Variants in OSBPL8 observed in about 807,000 individuals in gnomAD.
OSBPL8 encodes the protein oxysterol binding protein like 8, also known as oxysterol-binding protein-related protein 8.
OSBPL8 carries 59 observed loss-of-function variants against 125.5 expected under a neutral mutation model. The observed-to-expected ratio is 0.47, with a 90% CI of 0.38 to 0.58. The LOEUF is 0.58. Among genes scored for constraint, OSBPL8 ranks in the 20% least tolerant of loss-of-function variants. OSBPL8 has a pLI of 0.00. For synonymous variants in OSBPL8, 330 were observed against 338.9 expected, an observed-to-expected ratio of 0.97 and a Z score of 0.29; for missense variants, 758 against 1,047.8, an observed-to-expected ratio of 0.72 and a Z score of 3.82.
rs1191398676 is a variant in OSBPL8, at chr12:76,471,931, G to A, written c.43-12036C>T. On this transcript the variant is annotated intron_variant, in intron 2 of 23. Coordinates refer to ENST00000261183, the MANE Select transcript of OSBPL8 (RefSeq NM_020841.5). The stretch of plus-strand genomic sequence containing the variant: ...CAACACTCAGGTTAAGCATTACCTT[G>A]TCTTAAAAAACTTTTTTGATACTGA... Among the ~76,000 whole-genome samples, 2 of 152,140 alleles carry A rather than the reference G, an allele frequency of 1.3e-5. 1 individual carries two copies. Among genetic ancestry groups the A allele is most frequent in the Non-Finnish European group, 2.9e-5 (2 of 68,030 alleles).
At position 76,352,605 on chromosome 12, in the gene OSBPL8, A is replaced by C. The variant is rs759804659; in HGVS notation, c.*3284T>G. 6.6e-6 allele frequency: 1 copy of C among 152,524 alleles called. No homozygotes were observed. Among genetic ancestry groups the C allele is most frequent in the Non-Finnish European group, 1.5e-5 (1 of 67,944 alleles). The allele number at this position is 152,524 out of a possible 1,614,324, so 9.4% of individuals were successfully genotyped here. A position where few individuals can be genotyped will look rare whatever the true frequency, so the allele number is the denominator to read the frequency against. On this transcript the variant is annotated 3_prime_UTR_variant, in exon 24 of 24. Coordinates refer to ENST00000261183, the MANE Select transcript of OSBPL8 (RefSeq NM_020841.5). ...TGGTTCAAATTGGAAAATTTGATAT[A>C]AATCTAATATTTTATTTCTGTACAT...
chr12:76,443,873 C>A (rs1872480301), intron 4 of OSBPL8, among the ~76,000 whole-genome samples: 1 of 152,062 alleles, frequency 6.6e-6, no homozygotes, highest in Admixed American at 6.6e-5. Flanking sequence ...AAAACAAATA[C>A]CATCCTCTTT....
rs1325836484 is a variant in OSBPL8 at position 76,549,098 on chromosome 12, AG to A, written c.-68+10298del. Among the ~76,000 whole-genome samples, 7 of 152,262 alleles carry A rather than the reference AG, an allele frequency of 4.6e-5. No homozygotes were observed. The South Asian group carries it at 1.2e-3, about 27-fold the overall frequency. Reference sequence around the variant, plus strand: ...CCAGGAAAATCAGCCAAAATACTAAAGGGGAAAAAAAACCCACAAAATATAA... The same window carrying A: ...CCAGGAAAATCAGCCAAAATACTAAAGGGAAAAAAAACCCACAAAATATAA... On this transcript the variant is annotated intron_variant, in intron 1 of 23. Coordinates refer to ENST00000261183, the MANE Select transcript of OSBPL8 (RefSeq NM_020841.5).
intron 9 of OSBPL8, 55 bp downstream of exon 9, chr12:76,394,589 TA>T: frequency 1.5e-6 from 2 of 1,298,978 alleles, no homozygotes; most frequent in Middle Eastern, 1.8e-4. Flanking sequence ...AAAGTGGCAT[TA>T]AAAAAACTCT....
At chr12:76,466,139 C>T (rs775048522) in intron 2 of OSBPL8, among the ~76,000 whole-genome samples, 8 of 151,840 alleles carry the variant, frequency 5.3e-5, no homozygotes, top group South Asian at 4.1e-4. Flanking sequence ...TACAAACTTA[C>T]GAAAGATGCC....
At chr12:76,443,722 G>T (rs1872455704) in intron 4 of OSBPL8, among the ~76,000 whole-genome samples, 1 of 152,130 alleles carries the variant, frequency 6.6e-6, no homozygotes, top group African/African-American at 2.4e-5. Flanking sequence ...GGCCAGGCTG[G>T]TCTCAAATTC....
At chr12:76,370,453 T>C (rs1382730464) in intron 19 of OSBPL8, among the ~76,000 whole-genome samples, 2 of 152,192 alleles carry the variant, frequency 1.3e-5, no homozygotes, top group Non-Finnish European at 2.9e-5. Flanking sequence ...ATCCTACCCA[T>C]CTAGAAAGGC....
intron 4 of OSBPL8, among the ~76,000 whole-genome samples, chr12:76,411,675 A>G (rs920051107): frequency 2.6e-5 from 4 of 152,214 alleles, no homozygotes; most frequent in African/African-American, 9.6e-5. Flanking sequence ...CTCTGGTAAG[A>G]AAAAAGATCA....
chr12:76,509,320 C>T (rs954363793), intron 1 of OSBPL8, among the ~76,000 whole-genome samples: 6 of 152,102 alleles, frequency 3.9e-5, no homozygotes, highest in South Asian at 2.1e-4. Context: ...AATTGCCTAA[C>T]GATACATTTC....
chr12:76,379,333 T>A (rs1054734467), intron 15 of OSBPL8, among the ~76,000 whole-genome samples: 2 of 152,162 alleles, frequency 1.3e-5, no homozygotes, highest in Non-Finnish European at 2.9e-5. Flanking sequence ...GGTAATTTCT[T>A]CTAAGTTTTC....
chr12:76,524,045 T>C (rs542708775), intron 1 of OSBPL8, among the ~76,000 whole-genome samples: 1 of 152,294 alleles, frequency 6.6e-6, no homozygotes, highest in South Asian at 2.1e-4. Context: ...ATATAAGTAC[T>C]ATGAATTAGA....
chr12:76,542,526 T>C (rs1950675835), intron 1 of OSBPL8, among the ~76,000 whole-genome samples: 1 of 152,202 alleles, frequency 6.6e-6, no homozygotes, highest in Non-Finnish European at 1.5e-5. Flanking sequence ...ACCCCCAAAG[T>C]GTCTGATTCT....
intron 16 of OSBPL8, among the ~76,000 whole-genome samples, chr12:76,376,782 C>T (rs187499361): frequency 1.9e-4 from 29 of 152,064 alleles, no homozygotes; most frequent in African/African-American, 6.5e-4. Context: ...TTCAGCCCTC[C>T]GAGATTTCTC....
In OSBPL8 at chr12:76,352,523, T is replaced by G. The variant is rs74102400; in HGVS notation, c.*3366A>C. 365 of 152,700 alleles carry G rather than the reference T, an allele frequency of 2.4e-3. 4 individuals carry two copies. The highest frequency in any genetic ancestry group is 8.5e-3 in the African/African-American group (353 of 41,586). 9.5% of individuals were successfully genotyped at this position (152,700 alleles called of 1,614,324 possible). On this transcript the variant is annotated 3_prime_UTR_variant, in exon 24 of 24. Coordinates refer to ENST00000261183, the MANE Select transcript of OSBPL8 (RefSeq NM_020841.5). ...TTTTAAAGAATCTCTTTCCACTTAG[T>G]CAAATAAGATAGAAATTGAAATGTA... is the stretch of plus-strand genomic sequence containing the variant.
At chr12:76,362,580 G>A (rs1486018733) in intron 21 of OSBPL8, among the ~76,000 whole-genome samples, 1 of 152,160 alleles carries the variant, frequency 6.6e-6, no homozygotes, top group Non-Finnish European at 1.5e-5. Context: ...ATATCATACT[G>A]AGTGGGCAAA....
In OSBPL8 at chr12:76,375,352, A is replaced by AT; in HGVS notation, c.1747dup (p.Met583AsnfsTer23). The AT allele has an allele frequency of 6.2e-7, 1 of 1,611,574 alleles. No homozygotes were observed. Among genetic ancestry groups the AT allele is most frequent in the Non-Finnish European group, 8.5e-7 (1 of 1,178,666 alleles). On this transcript the variant is annotated frameshift_variant, in exon 17 of 24. Transcript: ENST00000261183. LOFTEE classifies it high-confidence loss of function. ...GACTGTTCCACCAAGCTCCAGTGTC[A>AT]TTGTACCATAAAGAATTCCTAAAGG...
At chr12:76,359,395 T>C (rs989958675) in intron 21 of OSBPL8, among the ~76,000 whole-genome samples, 12 of 152,294 alleles carry the variant, frequency 7.9e-5, no homozygotes, top group East Asian at 1.9e-4. Context: ...ACTGAAAGGA[T>C]TGAAGTGGAT....
chr12:76,536,822 A>G (rs1336252747), intron 1 of OSBPL8, among the ~76,000 whole-genome samples: 1 of 151,674 alleles, frequency 6.6e-6, no homozygotes, highest in African/African-American at 2.4e-5. Context: ...GTATCAAAAA[A>G]AAAAAAAAAA....
At chr12:76,550,096 T>TG (rs1431750306) in intron 1 of OSBPL8, among the ~76,000 whole-genome samples, 79 of 46,906 alleles carry the variant, frequency 1.7e-3, no homozygotes, top group Non-Finnish European at 5.2e-4. Flanking sequence ...AGTTGGGGTG[T>TG]GGGGGGGCTG....
Sources: allele counts gnomAD v4.1 joint callset (sites outside exome capture counted in the v4.1 genomes callset), GRCh38; gene constraint gnomAD v4.1.1; transcripts MANE v1.5; gene names NCBI Gene and HGNC (gene_info 2026-07-23, HGNC 2026-07-21).